The following GBF1 variants were observed in gnomAD, a reference collection of about 807,000 sequenced individuals.
The protein encoded by GBF1 is golgi brefeldin A resistant guanine nucleotide exchange factor 1.
A neutral mutation model predicts 210.5 loss-of-function variants in GBF1; 114 were observed. The ratio of observed to expected loss-of-function variants is 0.54; its 90% CI spans 0.47 to 0.63. The LOEUF is 0.63. Ranked by LOEUF, GBF1 falls within the 30% of genes least tolerant of loss-of-function variation. The pLI is 0.00. For missense variants in GBF1, 1,851 were observed against 2,357.7 expected (o/e 0.79, Z 4.45); for synonymous variants, 850 against 889.2 (o/e 0.96, Z 0.78).
chr10:102,360,301 A>T lies in GBF1; in HGVS notation c.1298A>T (p.His433Leu). Residue 433 changes from histidine (H) to leucine (L), a missense_variant, in exon 12 of 40, where the codon CAT (histidine) becomes CTT (leucine). This residue lies in a region of GBF1 where 804 missense variants were observed against 958.6 expected (regional missense o/e 0.84). Transcript: ENST00000369983. ...NSEVMIHMGL[H>L]LLTVALESAP... is the part of the protein sequence containing the mutation. ...GAGGTTATGATTCACATGGGACTGC[A>T]TTTGCTGACAGTGGCCCTTGAGTCA... The T allele has an allele frequency of 1.2e-6, 2 of 1,613,830 alleles. No individual in the cohort carries two copies. The highest frequency in any genetic ancestry group is 2.2e-5 in the South Asian group (2 of 91,076).
intron 3 of GBF1, among the ~76,000 whole-genome samples, chr10:102,304,912 T>C (rs1471198800): frequency 6.6e-6 from 1 of 151,474 alleles, no homozygotes; most frequent in Non-Finnish European, 1.5e-5. Flanking sequence ...CTCAGAAGCC[T>C]GAGACAGGAG....
chr10:102,360,065 C>T, intron 11 of GBF1, 119 bp from the exon 12 acceptor site: 1 of 744,102 alleles, frequency 1.3e-6, no homozygotes, highest in South Asian at 1.5e-5. Flanking sequence ...CACGCCCAGC[C>T]CTTTTCTTCA....
chr10:102,290,878 C>G (rs1302240255), intron 3 of GBF1, among the ~76,000 whole-genome samples: 1 of 152,204 alleles, frequency 6.6e-6, no homozygotes, highest in Non-Finnish European at 1.5e-5. Context: ...ATGCTGCATC[C>G]TATATTGAGT....
chr10:102,369,352 T>C lies in GBF1; in HGVS notation c.3115T>C (p.Phe1039Leu). ...TATCATGGAGGCCATGCTGCAGCTC[T>C]TCCGAGCCCAACTACTGCCCAAGGC... ...KNIMEAMLQLFRAQLLPKAMI... is the reference protein window; with the variant it reads ...KNIMEAMLQLLRAQLLPKAMI... The change falls in exon 24 of 40, where the codon TTC becomes CTC. Residue 1039 changes from phenylalanine (F) to leucine (L), a missense_variant. Around this residue, in one of 3 missense-constraint regions of GBF1, gnomAD observed 967 missense variants for 1,247.7 expected, o/e 0.78. Transcript: ENST00000369983. 1 of 1,613,896 alleles carries C rather than the reference T, an allele frequency of 6.2e-7. No individual in the cohort carries two copies.
At chr10:102,250,628 T>C (rs1335883875) in intron 1 of GBF1, among the ~76,000 whole-genome samples, 1 of 151,712 alleles carries the variant, frequency 6.6e-6, no homozygotes, top group African/African-American at 2.4e-5. Flanking sequence ...GGATTAAAGA[T>C]GAGAGCTACT....
intron 23 of GBF1, 127 bp from the exon 24 acceptor site, chr10:102,369,084 A>C (rs1200551786): frequency 6.8e-6 from 5 of 732,148 alleles, no homozygotes; most frequent in Non-Finnish European, 1.2e-5. Context: ...CACTCCCACC[A>C]GTATTATGGG....
rs773311713 is a variant in GBF1, at chr10:102,260,110, A to G, written c.157A>G (p.Ile53Val). 3 of 1,510,280 alleles carry G rather than the reference A, an allele frequency of 2.0e-6. No homozygotes were observed. The highest frequency in any genetic ancestry group is 2.7e-5 in the African/African-American group (2 of 72,880). The allele number at this position is 1,510,280 out of a possible 1,614,324, so 93.6% of individuals were successfully genotyped here. ...FGHLKEVLNS[I>V]TELSEIEPNV... The stretch of plus-strand genomic sequence containing the variant: ...TCATCTAAAGGAGGTTTTAAACAGT[A>G]TAACAGGTAAGTCTCCATATGTATG... Residue 53 changes from isoleucine (I) to valine (V), a missense_variant, in exon 3 of 40, where the codon ATA becomes GTA. This residue lies in a region of GBF1 where 804 missense variants were observed against 958.6 expected (regional missense o/e 0.84). Transcript: ENST00000369983.
intron 3 of GBF1, among the ~76,000 whole-genome samples, chr10:102,288,887 G>C (rs2076209133): frequency 1.3e-5 from 2 of 152,110 alleles, no homozygotes; most frequent in South Asian, 4.2e-4. Context: ...GATTACTTGT[G>C]GCCAGGAGTT....
chr10:102,331,886 G>A (rs563987698), intron 3 of GBF1, among the ~76,000 whole-genome samples: 1 of 121,390 alleles, frequency 8.2e-6, no homozygotes. Flanking sequence ...TTGAGACAGC[G>A]TCTGGCTCTG....
intron 3 of GBF1, among the ~76,000 whole-genome samples, chr10:102,338,075 A>G (rs550237157): frequency 3.9e-5 from 6 of 152,144 alleles, no homozygotes; most frequent in Non-Finnish European, 7.4e-5. Context: ...CTTTTTTGGA[A>G]GAGGTAGGGA....
chr10:102,242,785 C>T (rs1273920687), upstream of GBF1, among the ~76,000 whole-genome samples: 4 of 151,984 alleles, frequency 2.6e-5, no homozygotes, highest in East Asian at 1.9e-4. Context: ...AAAAATTAGC[C>T]GGGCTTGGTG....
intron 3 of GBF1, among the ~76,000 whole-genome samples, chr10:102,332,539 A>G (rs1263574384): frequency 1.3e-5 from 2 of 152,070 alleles, no homozygotes; most frequent in Non-Finnish European, 1.5e-5. Context: ...GCGCACCACC[A>G]TGCCCAACTA....
At chr10:102,306,613 G>A (rs1345477962) in intron 3 of GBF1, among the ~76,000 whole-genome samples, 1 of 152,122 alleles carries the variant, frequency 6.6e-6, no homozygotes, top group Non-Finnish European at 1.5e-5. Context: ...TAGTAGAGAC[G>A]GGGTTTTGCC....
chr10:102,367,319 A>T (rs1339031449), intron 20 of GBF1, 109 bp downstream of exon 20: 8 of 1,329,028 alleles, frequency 6.0e-6, no homozygotes, highest in Non-Finnish European at 7.5e-6. Context: ...TGTCCAAGGG[A>T]ATCAGGAAGG....
In GBF1 at chr10:102,376,397, A is replaced by G. The variant is rs1336143950; in HGVS notation, c.4012A>G (p.Thr1338Ala). The G allele has an allele frequency of 6.2e-7, 1 of 1,614,182 alleles. No homozygotes were observed. The change falls in exon 31 of 40, where the codon ACA becomes GCA. Residue 1338 changes from threonine (T) to alanine (A), a missense_variant. Thr to Ala is a moderately conservative substitution (Grantham distance 58). This residue lies in a region of GBF1 where 967 missense variants were observed against 1,247.7 expected (regional missense o/e 0.78). Coordinates refer to ENST00000369983, the MANE Select transcript of GBF1 (RefSeq NM_001377137.1). ...GCCGGGCAAGATACACCGATCAGCC[A>G]CAGATGCCGATGTGGTCAACAGTGG... ...GRPGKIHRSA[T>A]DADVVNSGWL... is the part of the protein sequence containing the mutation.
At chr10:102,313,506 G>C (rs758404055) in intron 3 of GBF1, among the ~76,000 whole-genome samples, 2 of 152,118 alleles carry the variant, frequency 1.3e-5, no homozygotes, top group African/African-American at 4.8e-5. Flanking sequence ...TTATGAGCTC[G>C]TCTGGACTGG....
Position 102,358,516 on chromosome 10 carries a change from C to T in GBF1, c.798C>T (p.Pro266=), listed in dbSNP as rs41293034. The T allele has an allele frequency of 0.021, 34,389 of 1,611,826 alleles. 467 individuals carry two copies. Among genetic ancestry groups the T allele is most frequent in the Non-Finnish European group, 0.027 (31,270 of 1,177,938 alleles). ...TLSSNLTGGM[P]FIDVPTPISS... The stretch of plus-strand genomic sequence containing the variant: ...TACTTTTCTTGGCAGGTGGCATGCC[C>T]TTCATTGATGTGCCCACTCCCATCT... The change falls in exon 10 of 40, where the codon CCC becomes CCT. Residue 266 remains proline (P), a synonymous_variant. Coordinates refer to ENST00000369983, the MANE Select transcript of GBF1 (RefSeq NM_001377137.1).
the GBF1 span, among the ~76,000 whole-genome samples, chr10:102,233,605 G>A: frequency 6.6e-6 from 1 of 151,896 alleles, no homozygotes; most frequent in Admixed American, 6.6e-5. Context: ...TGCCCAGCCT[G>A]TTTTGTTTAT....
rs113660377 is a variant in GBF1, at chr10:102,253,947, C to T, written c.-10-4982C>T. Among the ~76,000 whole-genome samples the T allele has an allele frequency of 4.2e-3, 637 of 152,070 alleles. 2 individuals are homozygous for T. Among genetic ancestry groups the T allele is most frequent in the Middle Eastern group, 6.8e-3 (2 of 294 alleles). On this transcript the variant is annotated intron_variant, in intron 1 of 39. Coordinates refer to ENST00000369983, the MANE Select transcript of GBF1 (RefSeq NM_001377137.1). ...TATATTTATTTGCTGTTTATGTTTC[C>T]TATTCTGTGAAACACCTATTCATCT...
Sources: allele counts gnomAD v4.1 joint callset (sites outside exome capture counted in the v4.1 genomes callset), GRCh38; gene constraint gnomAD v4.1.1; regional missense constraint gnomAD v4.1.1; transcripts MANE v1.5; gene names NCBI Gene and HGNC (gene_info 2026-07-23, HGNC 2026-07-21).